The following KIRREL3 variants were observed in gnomAD, a reference collection of about 807,000 sequenced individuals.
KIRREL3 encodes the protein kirre like nephrin family adhesion molecule 3, also known as kin of IRRE-like protein 3.
Under a neutral mutation model 89.7 loss-of-function variants are expected in KIRREL3, and 36 were observed. The observed-to-expected ratio is 0.40, with a 90% confidence interval of 0.31 to 0.53. The LOEUF (loss-of-function observed/expected upper bound fraction) is 0.53, where lower values mean the gene tolerates loss of function less well. Ranked by LOEUF, KIRREL3 falls within the 20% of genes least tolerant of loss-of-function variation. The pLI, the probability that KIRREL3 is intolerant of heterozygous loss-of-function variation, is 0.49. For missense variants in KIRREL3, 864 were observed against 1,056.6 expected (o/e 0.82, Z 2.53); for synonymous variants, 445 against 441.4 (o/e 1.01, Z -0.10).
intron 1 of KIRREL3, among the ~76,000 whole-genome samples, chr11:126,821,932 A>T (rs1198932140): frequency 6.6e-6 from 1 of 152,204 alleles, no homozygotes; most frequent in African/African-American, 2.4e-5. Flanking sequence ...AGCCCTGCAG[A>T]CACATTGATT....
chr11:126,798,197 CA>C (rs11366013), intron 1 of KIRREL3, among the ~76,000 whole-genome samples: 152,164 of 152,320 alleles, frequency 1, 76,004 homozygotes, highest in Middle Eastern at 1. Context: ...CTGGAGAGGC[CA>C]CCAGGTGGCC....
At chr11:126,781,959 T>G (rs1420794477) in intron 1 of KIRREL3, among the ~76,000 whole-genome samples, 1 of 152,240 alleles carries the variant, frequency 6.6e-6, no homozygotes, top group African/African-American at 2.4e-5. Context: ...AAAATTCCTT[T>G]TAAAACAAGA....
intron 1 of KIRREL3, among the ~76,000 whole-genome samples, chr11:126,659,284 G>A (rs1336683742): frequency 1.3e-5 from 2 of 152,192 alleles, no homozygotes; most frequent in South Asian, 2.1e-4. Flanking sequence ...CTCCCAAAAT[G>A]AGAGTGACAC....
chr11:126,695,390 T>C (rs994687300), intron 1 of KIRREL3, among the ~76,000 whole-genome samples: 2 of 140,522 alleles, frequency 1.4e-5, no homozygotes, highest in South Asian at 2.2e-4. Context: ...CCCAAAGCCA[T>C]TGGGATTAGC....
At position 126,709,683 on chromosome 11, in the gene KIRREL3, T is replaced by A. The variant is rs1023444478; in HGVS notation, c.56-146771A>T. ...GAAGATGAGGGAAGGCAGACATCTATAAGCCAAGGGGAGGCCTCGGGAGAA... is the reference window on the plus strand; with the variant it reads ...GAAGATGAGGGAAGGCAGACATCTAAAAGCCAAGGGGAGGCCTCGGGAGAA... On this transcript the variant is annotated intron_variant, in intron 1 of 16. Transcript: ENST00000525144. This position sits in a 1 kb window ranked among gnomAD's most constrained non-coding sequence, Gnocchi z 4.0. 2.0e-5 allele frequency among the ~76,000 whole-genome samples: 3 copies of A among 152,158 alleles called. No homozygotes were observed. The East Asian group carries it at 5.8e-4, about 29-fold the overall frequency.
chr11:126,916,663 A>T (rs1947052963), intron 1 of KIRREL3, among the ~76,000 whole-genome samples: 1 of 152,240 alleles, frequency 6.6e-6, no homozygotes, highest in Admixed American at 6.5e-5. Context: ...CTGCTAATGT[A>T]GATCACGGGA....
chr11:126,721,731 C>T, intron 1 of KIRREL3, among the ~76,000 whole-genome samples: 1 of 152,114 alleles, frequency 6.6e-6, no homozygotes, highest in Non-Finnish European at 1.5e-5. Context: ...CATAACTGCG[C>T]TCTCCCCTAG....
chr11:126,713,528 T>C (rs1947842479), intron 1 of KIRREL3, among the ~76,000 whole-genome samples: 1 of 152,130 alleles, frequency 6.6e-6, no homozygotes, highest in Non-Finnish European at 1.5e-5. Context: ...TAAGAAACGA[T>C]GAAGGCCTGG....
At chr11:126,681,720 T>A (rs1946465747) in intron 1 of KIRREL3, 1 of 353,110 alleles carries the variant, frequency 2.8e-6, no homozygotes, top group Non-Finnish European at 5.6e-6. Flanking sequence ...AGGTGATCAA[T>A]AAACATTTGT....
intron 1 of KIRREL3, among the ~76,000 whole-genome samples, chr11:126,691,925 A>G (rs574509698): frequency 6.6e-6 from 1 of 152,392 alleles, no homozygotes; most frequent in South Asian, 2.1e-4. Context: ...GATGTTAAAC[A>G]TCACTAATCA....
rs187213121 is a variant in KIRREL3, at chr11:126,600,408, G to T, written c.56-37496C>A. Among the ~76,000 whole-genome samples, 4 of 152,314 alleles carry T rather than the reference G, an allele frequency of 2.6e-5. No individual in the cohort carries two copies. The East Asian group carries it at 7.7e-4, about 29-fold the overall frequency. Reference sequence around the variant, plus strand: ...TATTTAGAGGTAATAAATGTCTGTTGTCTTAAACTGCTAATTTTAATACAG... The same window carrying T: ...TATTTAGAGGTAATAAATGTCTGTTTTCTTAAACTGCTAATTTTAATACAG... On this transcript the variant is annotated intron_variant, in intron 1 of 16. Coordinates refer to ENST00000525144, the MANE Select transcript of KIRREL3 (RefSeq NM_032531.4).
At chr11:126,667,059 G>A (rs1945695484) in intron 1 of KIRREL3, among the ~76,000 whole-genome samples, 1 of 152,122 alleles carries the variant, frequency 6.6e-6, no homozygotes, top group African/African-American at 2.4e-5. Context: ...TTATTTCAGG[G>A]AGAGATATCA....
At position 126,860,226 on chromosome 11, in the gene KIRREL3, A is replaced by G. The variant is rs1432358285; in HGVS notation, c.55+140229T>C. On this transcript the variant is annotated intron_variant, in intron 1 of 16. Transcript: ENST00000525144. The surrounding 1 kb of genome is among the most constrained non-coding windows in gnomAD (Gnocchi z 4.6). ...TGGTACTTGGTGCTGGGAATATAAA[A>G]GATAAGTTCTCCAACACCACACTGT... Among the ~76,000 whole-genome samples, 1 of 152,240 alleles carries G rather than the reference A, an allele frequency of 6.6e-6. No individual in the cohort carries two copies. Among genetic ancestry groups the G allele is most frequent in the Non-Finnish European group, 1.5e-5 (1 of 68,038 alleles).
chr11:126,999,957 T>C lies in KIRREL3; in HGVS notation c.55+498A>G, dbSNP rs571076266. ...TACCCCCCACAATACATTCTGTAAT[T>C]GCAACCCCCTTTTCAACGGTGCAAA... On this transcript the variant is annotated intron_variant, in intron 1 of 16. Transcript: ENST00000525144. The surrounding 1 kb of genome is among the most constrained non-coding windows in gnomAD (Gnocchi z 5.7). Among the ~76,000 whole-genome samples the C allele has an allele frequency of 6.6e-6, 1 of 152,258 alleles. No homozygotes were observed. The highest frequency in any genetic ancestry group is 2.1e-4 in the South Asian group (1 of 4,814).
rs185736614 is a variant in KIRREL3, at chr11:126,565,809, C to T, written c.56-2897G>A. Among the ~76,000 whole-genome samples the T allele has an allele frequency of 4.6e-5, 7 of 152,160 alleles. No homozygotes were observed. The highest frequency in any genetic ancestry group is 4.6e-4 in the Admixed American group (7 of 15,276). On this transcript the variant is annotated intron_variant, in intron 1 of 16. Transcript: ENST00000525144. This position sits in a 1 kb window ranked among gnomAD's most constrained non-coding sequence, Gnocchi z 5.4. ...AGTGGGGAGGTGAATATTGTCCAAG[C>T]TACTAACCACAGAGAGAACCAGGAG...
intron 1 of KIRREL3, among the ~76,000 whole-genome samples, chr11:126,699,685 C>G (rs1047431502): frequency 6.6e-6 from 1 of 152,120 alleles, no homozygotes; most frequent in East Asian, 1.9e-4. Context: ...TTCAAATGCT[C>G]ACTGCCACAT....
chr11:126,799,957 A>T (rs1950980106), intron 1 of KIRREL3, among the ~76,000 whole-genome samples: 1 of 152,150 alleles, frequency 6.6e-6, no homozygotes, highest in African/African-American at 2.4e-5. Flanking sequence ...CTGCTGTAGA[A>T]TCATCTCAGG....
At position 126,668,612 on chromosome 11, in the gene KIRREL3, A is replaced by C. The variant is rs904080109; in HGVS notation, c.56-105700T>G. ...TCTTCCCACTTCTCTAGGATGACAG[A>C]GAGGCCCCCCTTCTCGGTTTTCTCA... On this transcript the variant is annotated intron_variant, in intron 1 of 16. Coordinates refer to ENST00000525144, the MANE Select transcript of KIRREL3 (RefSeq NM_032531.4). This position sits in a 1 kb window ranked among gnomAD's most constrained non-coding sequence, Gnocchi z 4.4. Among the ~76,000 whole-genome samples the C allele has an allele frequency of 2.3e-4, 35 of 152,250 alleles. No homozygotes were observed. In the South Asian group the frequency reaches 7.1e-3, roughly 31 times the overall value.
rs759217036 is a variant in KIRREL3, at chr11:126,564,421, G to A, written c.56-1509C>T. On this transcript the variant is annotated intron_variant, in intron 1 of 16. Coordinates refer to ENST00000525144, the MANE Select transcript of KIRREL3 (RefSeq NM_032531.4). The surrounding 1 kb of genome is among the most constrained non-coding windows in gnomAD (Gnocchi z 7.4). ...AAAACATGGCAGGAGGTGGCAGAAC[G>A]CCACGGCCCAGGGAGGTCCCTGGCT... 5.9e-5 allele frequency among the ~76,000 whole-genome samples: 9 copies of A among 152,256 alleles called. No individual in the cohort carries two copies. Among genetic ancestry groups the A allele is most frequent in the South Asian group, 2.1e-4 (1 of 4,824 alleles).
Sources: gnomAD v4.1 joint callset for allele counts (sites outside exome capture counted in the v4.1 genomes callset) on GRCh38, gnomAD v4.1.1 for gene constraint, Gnocchi (gnomAD v3.1) non-coding constraint, MANE v1.5 for transcripts, NCBI Gene and HGNC (gene_info 2026-07-23, HGNC 2026-07-21) for gene names.